Variants in TMEM260 observed in about 807,000 individuals in gnomAD.
TMEM260 encodes the protein protein O-mannosyl-transferase TMEM260.
TMEM260 carries 82 observed loss-of-function variants against 88.9 expected under a neutral mutation model. The ratio of observed to expected loss-of-function variants is 0.92; its 90% CI spans 0.77 to 1.11. The LOEUF (loss-of-function observed/expected upper bound fraction) is 1.11, where lower values mean the gene tolerates loss of function less well. Among genes scored for constraint, TMEM260 ranks in the 50% least tolerant of loss-of-function variants. The pLI is 0.00. For synonymous variants in TMEM260, 314 were observed against 309.3 expected, an observed-to-expected ratio of 1.02 and a Z score of -0.16; for missense variants, 902 against 853.4, an observed-to-expected ratio of 1.06 and a Z score of -0.71.
intron 1 of TMEM260, among the ~76,000 whole-genome samples, chr14:56,582,548 C>T (rs1885205073): frequency 6.6e-6 from 1 of 152,134 alleles, no homozygotes. Flanking sequence ...GTTTGTATTG[C>T]AGACAACAAA....
At position 56,647,631 on chromosome 14, in the gene TMEM260, C is replaced by T; in HGVS notation, c.*134C>T. 2 of 1,016,586 alleles carry T rather than the reference C, an allele frequency of 2.0e-6. No individual in the cohort carries two copies. Among genetic ancestry groups the T allele is most frequent in the Non-Finnish European group, 2.8e-6 (2 of 719,778 alleles). The allele number at this position is 1,016,586 out of a possible 1,614,324, so 63.0% of individuals were successfully genotyped here. On this transcript the variant is annotated 3_prime_UTR_variant, in exon 16 of 16. Coordinates refer to ENST00000261556, the MANE Select transcript of TMEM260 (RefSeq NM_017799.4). Reference sequence around the variant, plus strand: ...TCTCCCAGATATAAGTATCATGGTCCAGCAGTACTGTTTAATGGGGTATTC... The same window carrying T: ...TCTCCCAGATATAAGTATCATGGTCTAGCAGTACTGTTTAATGGGGTATTC...
In TMEM260 at chr14:56,633,242, T is replaced by C. The variant is rs1325144803; in HGVS notation, c.1724+71T>C. The C allele has an allele frequency of 3.8e-6, 5 of 1,303,680 alleles. No individual in the cohort carries two copies. The African/African-American group carries it at 7.5e-5, about 20-fold the overall frequency. 80.8% of individuals were successfully genotyped at this position (1,303,680 alleles called of 1,614,324 possible). On this transcript the variant is annotated intron_variant, in intron 13 of 15. Transcript: ENST00000261556. ...TGAATACCCAAAAAAACTACTACAT[T>C]TTGAGATGCCTTCTAATTTTTTTTT...
intron 3 of TMEM260, 120 bp downstream of exon 3, chr14:56,586,032 C>T: frequency 9.6e-7 from 1 of 1,043,500 alleles, no homozygotes; most frequent in Non-Finnish European, 1.4e-6. Flanking sequence ...CATGTGATTT[C>T]ACTTTCTTAA....
intron 10 of TMEM260, among the ~76,000 whole-genome samples, chr14:56,618,997 A>T (rs1887750869): frequency 6.6e-6 from 1 of 152,126 alleles, no homozygotes; most frequent in African/African-American, 2.4e-5. Flanking sequence ...GCGTGTAGAC[A>T]ATTTGTATCT....
At chr14:56,596,988 T>C (rs1397097737) in intron 3 of TMEM260, among the ~76,000 whole-genome samples, 2 of 151,982 alleles carry the variant, frequency 1.3e-5, no homozygotes, top group Admixed American at 1.3e-4. Context: ...TTAATAAATA[T>C]AGAAAGATCT....
chr14:56,617,088 A>C, intron 8 of TMEM260, 95 bp from the exon 9 acceptor site: 1 of 694,976 alleles, frequency 1.4e-6, no homozygotes, highest in Non-Finnish European at 2.1e-6. Flanking sequence ...AAAAATGGAA[A>C]GTTTTTATAG....
downstream of TMEM260, chr14:56,650,153 T>C: frequency 2.2e-6 from 1 of 446,954 alleles, no homozygotes; most frequent in South Asian, 1.6e-5. Flanking sequence ...TGGAGGTGAC[T>C]TCTCATGCAA....
downstream of TMEM260, among the ~76,000 whole-genome samples, chr14:56,654,999 A>G (rs1890275462): frequency 6.6e-6 from 1 of 152,134 alleles, no homozygotes; most frequent in Non-Finnish European, 1.5e-5. Context: ...ACTGTAGTAA[A>G]AATAGTAATA....
intron 3 of TMEM260, among the ~76,000 whole-genome samples, chr14:56,588,590 C>T (rs542887839): frequency 1.3e-5 from 2 of 152,004 alleles, no homozygotes; most frequent in Non-Finnish European, 2.9e-5. Flanking sequence ...TTGGCAAGAA[C>T]TCATTTATAT....
chr14:56,605,720 T>C (rs761771123), intron 5 of TMEM260, 37 bp downstream of exon 5: 1 of 1,235,732 alleles, frequency 8.1e-7, no homozygotes. Context: ...AGTACAATAT[T>C]TTACTTAGGT....
intron 12 of TMEM260, among the ~76,000 whole-genome samples, chr14:56,631,385 G>C (rs1420333990): frequency 6.6e-6 from 1 of 152,196 alleles, no homozygotes; most frequent in East Asian, 1.9e-4. Flanking sequence ...CACTTTGGGA[G>C]GCTGAGGCAG....
chr14:56,647,352 C>CTGAAG lies in TMEM260; in HGVS notation c.1982_1986dup (p.Leu663LysfsTer28). The CTGAAG allele has an allele frequency of 6.2e-7, 1 of 1,614,218 alleles. No homozygotes were observed. Among genetic ancestry groups the CTGAAG allele is most frequent in the South Asian group, 1.1e-5 (1 of 91,084 alleles). ...CGTCTTCAGGCAAGAGATGCAGATC[C>CTGAAG]TGAAGTGCTGTTATCGGAAACCATC... On this transcript the variant is annotated frameshift_variant, in exon 16 of 16. Transcript: ENST00000261556. LOFTEE classifies it high-confidence loss of function.
chr14:56,615,257 A>G (rs1369997050), intron 7 of TMEM260, among the ~76,000 whole-genome samples: 2 of 152,196 alleles, frequency 1.3e-5, no homozygotes, highest in Non-Finnish European at 2.9e-5. Flanking sequence ...GAGATGATGT[A>G]TAGAGTCATT....
rs373601076 is a variant in TMEM260 at position 56,609,090 on chromosome 14, A to C, written c.637-16A>C. On this transcript the variant is annotated splice_polypyrimidine_tract_variant and intron_variant, in intron 5 of 15. Transcript: ENST00000261556. ...AAAATAAACATTGTTATACCACCCAATGTGCTCTGATGCAGGAACTCTCCC... is the reference window on the plus strand; with the variant it reads ...AAAATAAACATTGTTATACCACCCACTGTGCTCTGATGCAGGAACTCTCCC... The C allele has an allele frequency of 1.2e-6, 2 of 1,612,674 alleles. No individual in the cohort carries two copies. Among genetic ancestry groups the C allele is most frequent in the Non-Finnish European group, 1.7e-6 (2 of 1,179,136 alleles).
intron 2 of TMEM260, 129 bp downstream of exon 2, chr14:56,585,161 A>G (rs907556823): frequency 3.0e-5 from 21 of 708,540 alleles, no homozygotes; most frequent in Non-Finnish European, 6.7e-6. Context: ...ACTTATAAGT[A>G]CAGTACGTGA....
chr14:56,597,725 A>G (rs1437504679), intron 3 of TMEM260, among the ~76,000 whole-genome samples: 1 of 152,168 alleles, frequency 6.6e-6, no homozygotes, highest in Non-Finnish European at 1.5e-5. Flanking sequence ...GGTGATGATA[A>G]TAGCTAAAAT....
At chr14:56,625,983 T>C (rs1888223167) in intron 12 of TMEM260, among the ~76,000 whole-genome samples, 1 of 152,208 alleles carries the variant, frequency 6.6e-6, no homozygotes, top group African/African-American at 2.4e-5. Flanking sequence ...CTACAGTTTA[T>C]GCTAGCTGAG....
chr14:56,649,551 A>T (rs544817095), downstream of TMEM260: 1 of 152,362 alleles, frequency 6.6e-6, no homozygotes, highest in South Asian at 2.1e-4. Context: ...GAGATTGCAC[A>T]TATGCGTGGT....
At chr14:56,646,852 G>GTT (rs200406842) in intron 15 of TMEM260, among the ~76,000 whole-genome samples, 81 of 145,760 alleles carry the variant, frequency 5.6e-4, no homozygotes, top group African/African-American at 1.7e-3. Context: ...AAAGAAAGCT[G>GTT]TTTTTTTTTT....
Sources: allele counts gnomAD v4.1 joint callset (sites outside exome capture counted in the v4.1 genomes callset), GRCh38; gene constraint gnomAD v4.1.1; transcripts MANE v1.5; gene names NCBI Gene and HGNC (gene_info 2026-07-23, HGNC 2026-07-21).